NRG1: variants seen among roughly 807,000 people sequenced by gnomAD.
NRG1 encodes the protein pro-neuregulin-1, membrane-bound isoform.
Under a neutral mutation model 63.8 loss-of-function variants are expected in NRG1, and 18 were observed. The observed-to-expected ratio is 0.28, with a 90% CI of 0.19 to 0.42. The LOEUF (loss-of-function observed/expected upper bound fraction) is 0.42. NRG1 is among the 10% of genes least tolerant of loss of function. The pLI, the probability that NRG1 is intolerant of heterozygous loss-of-function variation, is 1.00. For synonymous variants in NRG1, 302 were observed against 301.3 expected (o/e 1.00, Z -0.02); for missense variants, 762 against 814.7 (o/e 0.94, Z 0.79).
downstream of NRG1, among the ~76,000 whole-genome samples, chr8:32,769,060 CA>C (rs1430828740): frequency 6.6e-6 from 1 of 151,846 alleles, no homozygotes; most frequent in Non-Finnish European, 1.5e-5. Context: ...CACAGAGAGA[CA>C]AAAATTCCAA....
chr8:31,682,352 A>G lies in NRG1; in HGVS notation c.37+42921A>G, dbSNP rs1269199889. Among the ~76,000 whole-genome samples, 3 of 152,126 alleles carry G rather than the reference A, an allele frequency of 2.0e-5. No homozygotes were observed. In the East Asian group the frequency reaches 5.8e-4, roughly 29 times the overall value. ...TGGTGTTGTCACCGTTTGGATTTTC[A>G]CCATTCCAATCTGTAGAATCATTGT... On this transcript the variant is annotated intron_variant, in intron 1 of 10. Coordinates refer to the NRG1 transcript ENST00000519301.
At chr8:32,577,885 A>G in intron 1 of NRG1, among the ~76,000 whole-genome samples, 1 of 152,142 alleles carries the variant, frequency 6.6e-6, no homozygotes, top group South Asian at 2.1e-4. Flanking sequence ...TTTTCCAGAT[A>G]GTTTAACATA....
Position 32,298,804 on chromosome 8 carries a change from G to A in NRG1, c.38-297024G>A, listed in dbSNP as rs1480787488. 4.0e-5 allele frequency among the ~76,000 whole-genome samples: 6 copies of A among 151,102 alleles called. No homozygotes were observed. The South Asian group carries it at 6.3e-4, about 16-fold the overall frequency. ...AGCACTTTGGGAGGCCAAGGCGGGC[G>A]GATCATGAGGTCAAGAGATCAAGAA... On this transcript the variant is annotated intron_variant, in intron 1 of 10. Transcript: ENST00000519301.
chr8:32,306,032 C>T (rs1422925630), intron 1 of NRG1, among the ~76,000 whole-genome samples: 1 of 152,042 alleles, frequency 6.6e-6, no homozygotes, highest in African/African-American at 2.4e-5. Context: ...CAACACAATG[C>T]AGCTCAAGTA....
At chr8:32,611,968 T>C (rs1349275250) in intron 3 of NRG1, among the ~76,000 whole-genome samples, 3 of 152,096 alleles carry the variant, frequency 2.0e-5, no homozygotes, top group Non-Finnish European at 2.9e-5. Flanking sequence ...CATGCAACTT[T>C]TTCCTGAGAC....
intron 2 of NRG1, among the ~76,000 whole-genome samples, chr8:32,603,561 T>C (rs937233643): frequency 6.6e-6 from 1 of 152,166 alleles, no homozygotes; most frequent in African/African-American, 2.4e-5. Flanking sequence ...CACTGCAACC[T>C]CTGCCTCCCG....
intron 1 of NRG1, among the ~76,000 whole-genome samples, chr8:32,579,298 G>T (rs1043659300): frequency 6.8e-6 from 1 of 148,146 alleles, no homozygotes; most frequent in African/African-American, 2.5e-5. Flanking sequence ...TCTGCTCGTG[G>T]ATTCCTGAAA....
intron 11 of NRG1, chr8:32,760,825 T>A: frequency 9.8e-7 from 1 of 1,015,846 alleles, no homozygotes; most frequent in Non-Finnish European, 1.2e-6. Context: ...GCTGGCCTCG[T>A]GTTCTTATCT....
intron 1 of NRG1, among the ~76,000 whole-genome samples, chr8:31,982,133 A>G (rs925022036): frequency 4.0e-5 from 6 of 151,886 alleles, no homozygotes; most frequent in African/African-American, 7.2e-5. Context: ...ATCATTTGGT[A>G]CCTCATAGGC....
At chr8:32,365,126 A>T (rs1178647134) in intron 1 of NRG1, among the ~76,000 whole-genome samples, 1 of 152,000 alleles carries the variant, frequency 6.6e-6, no homozygotes, top group African/African-American at 2.4e-5. Flanking sequence ...GAGCTCATGC[A>T]GTCTACCTGC....
intron 1 of NRG1, among the ~76,000 whole-genome samples, chr8:31,709,767 TTTTA>T (rs1220946857): frequency 1.3e-5 from 2 of 151,934 alleles, no homozygotes; most frequent in African/African-American, 4.8e-5. Context: ...CTTTTGGCTT[TTTTA>T]TTTTTCTTTG....
rs1830289708 is a variant in NRG1 at position 31,880,776 on chromosome 8, T to C, written c.37+241345T>C. On this transcript the variant is annotated intron_variant, in intron 1 of 10. Coordinates refer to the NRG1 transcript ENST00000519301. ...TATTCTCAGCATTTCCTGTTCATTG[T>C]TTTGCTATGGGTAGCATGTCCTGAT... 1.3e-5 allele frequency among the ~76,000 whole-genome samples: 2 copies of C among 152,228 alleles called. 1 individual carries two copies. The highest frequency in any genetic ancestry group is 2.9e-5 in the Non-Finnish European group (2 of 68,040).
At chr8:31,900,706 G>A (rs749580565) in intron 1 of NRG1, among the ~76,000 whole-genome samples, 8 of 152,094 alleles carry the variant, frequency 5.3e-5, no homozygotes, top group Non-Finnish European at 8.8e-5. Flanking sequence ...GCTTCGTGGC[G>A]TATATAAACT....
intron 1 of NRG1, among the ~76,000 whole-genome samples, chr8:32,132,270 A>G (rs1439670490): frequency 1.3e-5 from 2 of 152,104 alleles, no homozygotes; most frequent in African/African-American, 4.8e-5. Context: ...CAAGTTTTAG[A>G]TTAAGTGCCT....
At chr8:31,906,478 G>A (rs1352325762) in intron 1 of NRG1, among the ~76,000 whole-genome samples, 2 of 152,188 alleles carry the variant, frequency 1.3e-5, no homozygotes, top group African/African-American at 2.4e-5. Context: ...TCTTGCTAGA[G>A]TTCCCGATTT....
intron 1 of NRG1, among the ~76,000 whole-genome samples, chr8:31,971,839 A>G (rs1312968540): frequency 6.6e-6 from 1 of 152,108 alleles, no homozygotes; most frequent in East Asian, 1.9e-4. Flanking sequence ...CTTTTTGGTT[A>G]GTAAACTTCA....
rs763870642 is a variant in NRG1, at chr8:31,959,790, ATTTATTAT to A, written c.37+320362_37+320369del. 5.5e-3 allele frequency among the ~76,000 whole-genome samples: 715 copies of A among 130,196 alleles called. 7 individuals are homozygous for A. The highest frequency in any genetic ancestry group is 0.02 in the Middle Eastern group (5 of 244). The allele number at this position is 130,196 out of a possible 152,430, so 85.4% of individuals were successfully genotyped here. On this transcript the variant is annotated intron_variant, in intron 1 of 10. Transcript: ENST00000519301. ...CCAAGCAACCACCGATTATTTATTT[ATTTATTAT>A]TTATTTATTTATTTATTTATTTATT...
chr8:32,118,967 T>G lies in NRG1; in HGVS notation c.38-476861T>G, dbSNP rs573626919. Among the ~76,000 whole-genome samples the G allele has an allele frequency of 1.2e-4, 18 of 152,238 alleles. No individual in the cohort carries two copies. The South Asian group carries it at 3.3e-3, about 28-fold the overall frequency. On this transcript the variant is annotated intron_variant, in intron 1 of 10. Coordinates refer to the NRG1 transcript ENST00000519301. ...AAGAGAAAATAAAGGGCAAACAGCT[T>G]CTTGTTAAGAATCTGGTCTGGATTA... is the stretch of plus-strand genomic sequence containing the variant.
At chr8:31,933,403 C>T (rs958719627) in intron 1 of NRG1, among the ~76,000 whole-genome samples, 1 of 151,954 alleles carries the variant, frequency 6.6e-6, no homozygotes, top group Non-Finnish European at 1.5e-5. Flanking sequence ...GCCTCAGCCT[C>T]CCGAGTAGCT....
Sources: gnomAD v4.1 joint callset for allele counts (sites outside exome capture counted in the v4.1 genomes callset) on GRCh38, gnomAD v4.1.1 for gene constraint, MANE v1.5 for transcripts, NCBI Gene and HGNC (gene_info 2026-07-23, HGNC 2026-07-21) for gene names.